GRIP1: variants seen among roughly 807,000 people sequenced by gnomAD.
GRIP1 encodes the protein glutamate receptor interacting protein 1.
A neutral mutation model predicts 129.9 loss-of-function variants in GRIP1; 45 were observed. That is an observed-to-expected ratio of 0.35 (90% confidence interval 0.27 to 0.44). The LOEUF (loss-of-function observed/expected upper bound fraction) is 0.44. Ranked by LOEUF, GRIP1 falls within the 20% of genes least tolerant of loss-of-function variation. The pLI, the probability that GRIP1 is intolerant of heterozygous loss-of-function variation, is 1.00. For synonymous variants in GRIP1, 530 were observed against 520.8 expected (o/e 1.02, Z -0.24); for missense variants, 1,196 against 1,396.8 (o/e 0.86, Z 2.29).
chr12:66,922,922 C>T (rs963627155), intron 1 of GRIP1, among the ~76,000 whole-genome samples: 2 of 152,148 alleles, frequency 1.3e-5, no homozygotes, highest in Non-Finnish European at 1.5e-5. Flanking sequence ...ATGCACTATA[C>T]ATTAAACAAA....
chr12:66,476,410 G>C (rs1334854236), intron 7 of GRIP1, among the ~76,000 whole-genome samples: 1 of 152,182 alleles, frequency 6.6e-6, no homozygotes, highest in African/African-American at 2.4e-5. Flanking sequence ...GGATCAGATG[G>C]ATTCACAGCC....
intron 1 of GRIP1, among the ~76,000 whole-genome samples, chr12:66,961,737 C>G (rs2041924407): frequency 6.6e-6 from 1 of 151,976 alleles, no homozygotes; most frequent in Non-Finnish European, 1.5e-5. Flanking sequence ...GTGTCTGTGT[C>G]CCCACTAAAT....
intron 1 of GRIP1, among the ~76,000 whole-genome samples, chr12:66,909,047 T>A (rs1039741958): frequency 2.0e-5 from 3 of 152,260 alleles, no homozygotes; most frequent in African/African-American, 7.2e-5. Context: ...TATTATGCTC[T>A]CTTTACATTT....
intron 2 of GRIP1, among the ~76,000 whole-genome samples, chr12:66,549,836 T>A (rs919146750): frequency 6.6e-6 from 1 of 152,164 alleles, no homozygotes; most frequent in Non-Finnish European, 1.5e-5. Context: ...TTGGGATTTA[T>A]CTCATGCAGT....
chr12:66,394,132 G>T, intron 17 of GRIP1, 76 bp downstream of exon 17: 1 of 1,300,392 alleles, frequency 7.7e-7, no homozygotes, highest in Non-Finnish European at 1.1e-6. Context: ...AGAGAGAGGA[G>T]CATGTTTTTA....
intron 1 of GRIP1, among the ~76,000 whole-genome samples, chr12:66,737,421 T>C (rs2036641669): frequency 6.6e-6 from 1 of 152,126 alleles, no homozygotes; most frequent in African/African-American, 2.4e-5. Context: ...GTAGCTGGAA[T>C]TACAGGCGTG....
intron 9 of GRIP1, among the ~76,000 whole-genome samples, chr12:66,459,046 T>A (rs1031241327): frequency 3.3e-5 from 5 of 152,258 alleles, no homozygotes; most frequent in African/African-American, 1.2e-4. Flanking sequence ...AATATATTTT[T>A]AATGTTTGTC....
intron 2 of GRIP1, among the ~76,000 whole-genome samples, chr12:66,574,713 G>A (rs2063078704): frequency 6.6e-6 from 1 of 151,492 alleles, no homozygotes. Context: ...ACCCAGTTCT[G>A]CCCACTTTCA....
intron 13 of GRIP1, among the ~76,000 whole-genome samples, chr12:66,441,934 G>T (rs1325862426): frequency 6.6e-6 from 1 of 151,958 alleles, no homozygotes. Flanking sequence ...ATAAACAAGT[G>T]CTATTAGCTC....
chr12:66,404,758 G>A (rs1350936608), intron 16 of GRIP1, among the ~76,000 whole-genome samples: 1 of 152,118 alleles, frequency 6.6e-6, no homozygotes, highest in African/African-American at 2.4e-5. Context: ...ATGGCCAGGC[G>A]CAGTGGCTCA....
intron 7 of GRIP1, among the ~76,000 whole-genome samples, chr12:66,510,929 T>C (rs1011324235): frequency 6.6e-6 from 1 of 152,174 alleles, no homozygotes; most frequent in African/African-American, 2.4e-5. Flanking sequence ...CCAGGAAATG[T>C]ATATCAAACT....
At chr12:66,887,590 ATATT>A (rs1192721527) in intron 1 of GRIP1, among the ~76,000 whole-genome samples, 1 of 152,224 alleles carries the variant, frequency 6.6e-6, no homozygotes, top group Non-Finnish European at 1.5e-5. Flanking sequence ...TTTACAACAG[ATATT>A]TATTTGACCT....
At chr12:66,788,174 C>T (rs1224038749) in intron 1 of GRIP1, among the ~76,000 whole-genome samples, 2 of 151,862 alleles carry the variant, frequency 1.3e-5, no homozygotes, top group East Asian at 1.9e-4. Context: ...AATTCTGCTG[C>T]ACCTACTATC....
At chr12:66,420,391 C>CTAATAAGT (rs1398855832) in intron 15 of GRIP1, among the ~76,000 whole-genome samples, 2 of 144,266 alleles carry the variant, frequency 1.4e-5, no homozygotes, top group African/African-American at 5.2e-5. Flanking sequence ...TTGGGTACCT[C>CTAATAAGT]TAATAAGTGC....
intron 2 of GRIP1, among the ~76,000 whole-genome samples, chr12:66,553,165 G>C (rs899001687): frequency 2.0e-5 from 3 of 152,192 alleles, no homozygotes; most frequent in African/African-American, 7.2e-5. Context: ...AGCAGAAAGA[G>C]AATGAGCAGA....
intron 1 of GRIP1, among the ~76,000 whole-genome samples, chr12:66,738,369 G>A (rs561405644): frequency 2.6e-5 from 4 of 151,782 alleles, no homozygotes; most frequent in South Asian, 4.2e-4. Flanking sequence ...ACAGGTACCC[G>A]CCACCACGCC....
chr12:66,787,065 T>A (rs925953249), intron 1 of GRIP1, among the ~76,000 whole-genome samples: 11 of 152,136 alleles, frequency 7.2e-5, no homozygotes, highest in African/African-American at 2.4e-4. Context: ...GGTTTAAATT[T>A]ACGCACAAGT....
intron 1 of GRIP1, among the ~76,000 whole-genome samples, chr12:66,617,085 T>TTGTGTGTGTGTGTGTGTGTGTGTGTG (rs71436017): frequency 2.2e-5 from 3 of 135,450 alleles, no homozygotes; most frequent in African/African-American, 5.7e-5. Flanking sequence ...AACAGACGTT[T>TTGTGTGTGTGTGTGTGTGTGTGTGTG]TGTGTGTGTG....
chr12:67,039,597 T>A (rs2043146358), intron 1 of GRIP1, among the ~76,000 whole-genome samples: 1 of 152,134 alleles, frequency 6.6e-6, no homozygotes, highest in Non-Finnish European at 1.5e-5. Context: ...ACTGCAACAT[T>A]GGTTCTGTAC....
Sources: allele counts gnomAD v4.1 joint callset (sites outside exome capture counted in the v4.1 genomes callset), GRCh38; gene constraint gnomAD v4.1.1; transcripts MANE v1.5; gene names NCBI Gene and HGNC (gene_info 2026-07-23, HGNC 2026-07-21).